WSCD1: variants seen among roughly 807,000 people sequenced by gnomAD.
The protein encoded by WSCD1 is WSC domain sialate O sulfotransferase 1.
A neutral mutation model predicts 60.4 loss-of-function variants in WSCD1; 41 were observed. The observed-to-expected ratio is 0.68, with a 90% confidence interval of 0.53 to 0.88. The LOEUF is 0.88. Ranked by LOEUF, WSCD1 falls within the 40% of genes least tolerant of loss-of-function variation. WSCD1 has a pLI of 0.00. For missense variants in WSCD1, 784 were observed against 796.2 expected, an observed-to-expected ratio of 0.98 and a Z score of 0.18; for synonymous variants, 361 against 332.5, an observed-to-expected ratio of 1.09 and a Z score of -0.93.
chr17:6,092,477 A>G (rs1023235376), intron 4 of WSCD1, among the ~76,000 whole-genome samples: 2 of 152,154 alleles, frequency 1.3e-5, no homozygotes, highest in African/African-American at 4.8e-5. Flanking sequence ...TGACAGGTTC[A>G]CTAGTGACAC....
chr17:6,083,478 A>G (rs772056378), intron 2 of WSCD1, among the ~76,000 whole-genome samples: 4 of 152,162 alleles, frequency 2.6e-5, no homozygotes, highest in Non-Finnish European at 5.9e-5. Context: ...GTGAGAAGTG[A>G]CCTTTATAAC....
intron 7 of WSCD1, among the ~76,000 whole-genome samples, chr17:6,114,266 G>A (rs1911577731): frequency 6.6e-6 from 1 of 151,998 alleles, no homozygotes; most frequent in Non-Finnish European, 1.5e-5. Flanking sequence ...AATACCACAT[G>A]CTCTCATTCA....
intron 5 of WSCD1, among the ~76,000 whole-genome samples, chr17:6,098,458 T>C (rs1910591669): frequency 6.6e-6 from 1 of 152,244 alleles, no homozygotes; most frequent in Non-Finnish European, 1.5e-5. Flanking sequence ...ATTAGCACCT[T>C]GTCCATCTCC....
chr17:6,114,094 T>A (rs760935677), intron 7 of WSCD1, among the ~76,000 whole-genome samples: 1 of 147,468 alleles, frequency 6.8e-6, no homozygotes, highest in Admixed American at 6.9e-5. Flanking sequence ...TCAACCTTAG[T>A]ATCTATCAAT....
chr17:6,118,277 C>A lies in WSCD1; in HGVS notation c.1375+89C>A. 3 of 1,378,954 alleles carry A rather than the reference C, an allele frequency of 2.2e-6. No individual in the cohort carries two copies. The highest frequency in any genetic ancestry group is 3.0e-6 in the Non-Finnish European group (3 of 1,000,762). 85.4% of individuals were successfully genotyped at this position (1,378,954 alleles called of 1,614,324 possible). A position where few individuals can be genotyped will look rare whatever the true frequency, so the allele number is the denominator to read the frequency against. On this transcript the variant is annotated intron_variant, in intron 8 of 8. Coordinates refer to ENST00000317744, the MANE Select transcript of WSCD1 (RefSeq NM_015253.2). The surrounding 1 kb of genome is among the most constrained non-coding windows in gnomAD (Gnocchi z 5.8). ...TGCAGGATCAATTTACACAGGTAGG[C>A]ACTGCAGGATGCAGGATCAGTATAC...
intron 4 of WSCD1, among the ~76,000 whole-genome samples, chr17:6,094,740 G>T (rs971065683): frequency 6.9e-6 from 1 of 145,224 alleles, no homozygotes; most frequent in Non-Finnish European, 1.5e-5. Flanking sequence ...GAGGGAAGGA[G>T]GGAGGGAGGG....
intron 5 of WSCD1, among the ~76,000 whole-genome samples, chr17:6,097,583 G>A (rs1237993560): frequency 2.0e-5 from 3 of 152,206 alleles, no homozygotes; most frequent in African/African-American, 7.2e-5. Context: ...ATTGCACGGA[G>A]GTCCTATAAT....
At chr17:6,106,090 C>A (rs1270450779) in intron 5 of WSCD1, among the ~76,000 whole-genome samples, 1 of 152,194 alleles carries the variant, frequency 6.6e-6, no homozygotes, top group Non-Finnish European at 1.5e-5. Flanking sequence ...CTGCCATGTG[C>A]AAGGCACTTT....
At chr17:6,069,419 GTGTGTGTGTGAGAGAGA>G, upstream of WSCD1, 1 of 326,756 alleles carries the variant, frequency 3.1e-6, no homozygotes. Flanking sequence ...GTGTGTGTGT[GTGTGTGTGTGAGAGAGA>G]GAGAGAGAGA....
chr17:6,069,778 T>C, upstream of WSCD1, among the ~76,000 whole-genome samples: 1 of 87,344 alleles, frequency 1.1e-5, no homozygotes, highest in Admixed American at 1.2e-4. Flanking sequence ...TGATCCGGTG[T>C]GTGTGTGTGT....
At chr17:6,073,416 G>T (rs935059143) in intron 1 of WSCD1, among the ~76,000 whole-genome samples, 2 of 152,192 alleles carry the variant, frequency 1.3e-5, no homozygotes, top group Non-Finnish European at 2.9e-5. Flanking sequence ...GATCACCTGA[G>T]TCCAGGAGTT....
intron 5 of WSCD1, among the ~76,000 whole-genome samples, chr17:6,105,390 T>C (rs74917999): frequency 6.6e-6 from 1 of 152,320 alleles, no homozygotes; most frequent in Non-Finnish European, 1.5e-5. Context: ...CCTTTTTTCC[T>C]CTTCTTTCTC....
intron 5 of WSCD1, among the ~76,000 whole-genome samples, chr17:6,098,214 T>A (rs1437882829): frequency 6.6e-6 from 1 of 152,084 alleles, no homozygotes; most frequent in Non-Finnish European, 1.5e-5. Context: ...TCAAGCAATC[T>A]GCCCTCCTTG....
chr17:6,119,033 C>A (rs902921574), intron 8 of WSCD1, among the ~76,000 whole-genome samples: 22 of 152,332 alleles, frequency 1.4e-4, no homozygotes, highest in African/African-American at 4.8e-4. Flanking sequence ...ACTGTGTCCT[C>A]ACATGTCCCC....
At chr17:6,096,253 G>C (rs1182763885) in intron 5 of WSCD1, among the ~76,000 whole-genome samples, 1 of 152,154 alleles carries the variant, frequency 6.6e-6, no homozygotes, top group Non-Finnish European at 1.5e-5. Context: ...TAAGTGGTGG[G>C]GTCAGGGTTT....
At chr17:6,078,561 GGT>G (rs67928797) in intron 1 of WSCD1, among the ~76,000 whole-genome samples, 28 of 150,214 alleles carry the variant, frequency 1.9e-4, no homozygotes, top group Non-Finnish European at 3.3e-4. Flanking sequence ...GAATGTGGAG[GGT>G]GTGTGTGTGT....
chr17:6,095,328 C>T, intron 5 of WSCD1, 105 bp downstream of exon 5: 1 of 1,399,728 alleles, frequency 7.1e-7, no homozygotes, highest in East Asian at 2.8e-5. Context: ...TCTGGCAGTC[C>T]AGATGGGAGC....
chr17:6,084,550 C>G (rs1006042646), intron 2 of WSCD1, among the ~76,000 whole-genome samples: 2 of 152,250 alleles, frequency 1.3e-5, no homozygotes, highest in African/African-American at 4.8e-5. Context: ...CCATCAATCA[C>G]TGAGCATTTC....
intron 7 of WSCD1, among the ~76,000 whole-genome samples, chr17:6,111,243 C>G (rs901740606): frequency 6.6e-6 from 1 of 152,150 alleles, no homozygotes; most frequent in Non-Finnish European, 1.5e-5. Context: ...TGAGACTACA[C>G]TACTCCACCA....
Sources: allele counts gnomAD v4.1 joint callset (sites outside exome capture counted in the v4.1 genomes callset), GRCh38; gene constraint gnomAD v4.1.1; non-coding constraint Gnocchi (gnomAD v3.1); transcripts MANE v1.5; gene names NCBI Gene and HGNC (gene_info 2026-07-23, HGNC 2026-07-21).